COL9A1: variants seen among roughly 807,000 people sequenced by gnomAD.
COL9A1 encodes collagen alpha-1(IX) chain.
COL9A1 carries 104 observed loss-of-function variants against 142.6 expected under a neutral mutation model. The observed-to-expected ratio is 0.73, with a 90% CI of 0.62 to 0.86. The LOEUF (loss-of-function observed/expected upper bound fraction) is 0.86, where lower values mean the gene tolerates loss of function less well. Ranked by LOEUF, COL9A1 falls within the 40% of genes least tolerant of loss-of-function variation. The probability of loss-of-function intolerance (pLI) is 0.00; values close to 1 mark genes in which losing one functional copy is unlikely to be tolerated. For missense variants in COL9A1, 1,210 were observed against 1,176.6 expected (o/e 1.03, Z -0.42); for synonymous variants, 466 against 396.0 (o/e 1.18, Z -2.10).
In COL9A1 at chr6:70,252,297, C is replaced by T; in HGVS notation, c.1783G>A (p.Gly595Arg). 6.2e-7 allele frequency: 1 copy of T among 1,614,158 alleles called. No individual in the cohort carries two copies. The highest frequency in any genetic ancestry group is 8.5e-7 in the Non-Finnish European group (1 of 1,179,990). Reference protein sequence around the residue: ...AGEKGSTGAPGKPGQMGNSGK... With the variant: ...AGEKGSTGAPRKPGQMGNSGK... ...GAATTTCCCATCTGACCAGGCTTCC[C>T]TGGAGCACCTGTGCTACCCTAAGGG... The change falls in exon 27 of 38, where the codon GGG becomes AGG. Residue 595 changes from glycine to arginine, a missense_variant. Transcript: ENST00000357250.
At chr6:70,243,558 TTCTC>T (rs1050708664) in intron 28 of COL9A1, among the ~76,000 whole-genome samples, 2 of 152,096 alleles carry the variant, frequency 1.3e-5, no homozygotes, top group African/African-American at 4.8e-5. Context: ...GACGGAGTCT[TTCTC>T]TGTTGCCCAG....
intron 37 of COL9A1, among the ~76,000 whole-genome samples, chr6:70,221,231 C>T (rs1768864416): frequency 6.6e-6 from 1 of 151,454 alleles, no homozygotes; most frequent in Non-Finnish European, 1.5e-5. Context: ...CATGCTGTGG[C>T]GTAAAAGGGA....
intron 5 of COL9A1, among the ~76,000 whole-genome samples, chr6:70,284,770 T>C (rs552377108): frequency 2.6e-4 from 40 of 152,360 alleles, no homozygotes; most frequent in African/African-American, 9.4e-4. Flanking sequence ...TCTTTGTCAT[T>C]GATGTTATGC....
intron 24 of COL9A1, 84 bp downstream of exon 24, chr6:70,254,879 G>A: frequency 7.9e-7 from 1 of 1,269,284 alleles, no homozygotes; most frequent in Non-Finnish European, 1.1e-6. Flanking sequence ...AAATCTTTTG[G>A]TGATTTAGTA....
intron 28 of COL9A1, among the ~76,000 whole-genome samples, chr6:70,247,320 G>A (rs1562300436): frequency 3.3e-5 from 5 of 152,114 alleles, no homozygotes; most frequent in Non-Finnish European, 7.4e-5. Flanking sequence ...TTTTAAAATG[G>A]AACTGTTAGA....
intron 19 of COL9A1, 121 bp from the exon 20 acceptor site, chr6:70,260,831 A>C: frequency 1.2e-6 from 1 of 835,488 alleles, no homozygotes; most frequent in East Asian, 2.8e-5. Flanking sequence ...ACCAAGAAAT[A>C]GTAACTATAT....
chr6:70,219,377 T>G (rs924422020), intron 37 of COL9A1, among the ~76,000 whole-genome samples: 9 of 152,342 alleles, frequency 5.9e-5, no homozygotes, highest in African/African-American at 2.2e-4. Context: ...TGTAGTTTTA[T>G]TAGAACACGA....
At chr6:70,234,407 T>G in intron 35 of COL9A1, 132 bp downstream of exon 35, 1 of 882,590 alleles carries the variant, frequency 1.1e-6, no homozygotes, top group Non-Finnish European at 1.9e-6. Flanking sequence ...TTGGCATTAA[T>G]ATTACCCTAA....
chr6:70,232,445 A>T, intron 36 of COL9A1, 138 bp downstream of exon 36: 1 of 1,000,082 alleles, frequency 1.0e-6, no homozygotes, highest in Non-Finnish European at 1.6e-6. Flanking sequence ...CTTCACCGTC[A>T]CTATTGAAAA....
intron 37 of COL9A1, chr6:70,222,637 C>T (rs564564043): frequency 6.6e-6 from 1 of 152,132 alleles, no homozygotes; most frequent in South Asian, 2.1e-4. Flanking sequence ...TAAAACTGTC[C>T]AGAAAGAATA....
At chr6:70,254,728 C>G (rs1396650448) in intron 24 of COL9A1, 199 bp from the exon 25 acceptor site, 2 of 675,474 alleles carry the variant, frequency 3.0e-6, no homozygotes, top group Non-Finnish European at 5.1e-6. Context: ...TGCACAGTCT[C>G]TCTCAACTTA....
Position 70,266,722 on chromosome 6 carries a change from G to A in COL9A1, c.1336C>T (p.His446Tyr), listed in dbSNP as rs1772041652. 6.2e-7 allele frequency: 1 copy of A among 1,612,496 alleles called. No individual in the cohort carries two copies. The highest frequency in any genetic ancestry group is 1.3e-5 in the African/African-American group (1 of 74,836). ...TAAATACCCATTTTCCTTACCTTGTGTCCTTGTCTTCCTGGTTCACCAATT... is the reference window on the plus strand; with the variant it reads ...TAAATACCCATTTTCCTTACCTTGTATCCTTGTCTTCCTGGTTCACCAATT... ...GEIGEPGRQG[H>Y]KGEEGDQGEL... Residue 446 changes from histidine (H) to tyrosine (Y), a missense_variant, in exon 18 of 38, where the codon CAC becomes TAC. Physicochemically the swap from His to Tyr is moderately conservative, Grantham distance 83 (BLOSUM62 2). Transcript: ENST00000357250.
intron 33 of COL9A1, among the ~76,000 whole-genome samples, chr6:70,238,995 C>T (rs978884734): frequency 2.0e-5 from 3 of 152,138 alleles, no homozygotes; most frequent in African/African-American, 4.8e-5. Context: ...AAAAATTAGC[C>T]GGGCATGGTG....
At chr6:70,226,061 T>G in intron 36 of COL9A1, 52 bp from the exon 37 acceptor site, 1 of 1,462,624 alleles carries the variant, frequency 6.8e-7, no homozygotes, top group Non-Finnish European at 9.5e-7. Flanking sequence ...AAAAATAAAC[T>G]TCCGCATCTT....
chr6:70,280,285 C>A, intron 10 of COL9A1: 1 of 1,240,024 alleles, frequency 8.1e-7, no homozygotes, highest in Non-Finnish European at 1.0e-6. Context: ...CCCGCACATC[C>A]CCACTCACTT....
intron 20 of COL9A1, among the ~76,000 whole-genome samples, chr6:70,259,536 T>C (rs1771538781): frequency 6.6e-6 from 1 of 152,156 alleles, no homozygotes; most frequent in Admixed American, 6.5e-5. Context: ...GCTGTGATGA[T>C]AATCACTCAG....
At chr6:70,215,930 CACACACACAT>C (rs1300183325), downstream of COL9A1, 1 of 151,930 alleles carries the variant, frequency 6.6e-6, no homozygotes, top group African/African-American at 2.4e-5. Flanking sequence ...CACACACACA[CACACACACAT>C]ACGCATCTGT....
At chr6:70,302,113 C>A (rs377569543) in intron 1 of COL9A1, 39 bp from the exon 2 acceptor site, 1 of 1,414,608 alleles carries the variant, frequency 7.1e-7, no homozygotes, top group Non-Finnish European at 9.9e-7. Flanking sequence ...AACAGGAGTC[C>A]CCGCAGATGG....
chr6:70,238,355 A>G (rs1770039994), intron 33 of COL9A1, among the ~76,000 whole-genome samples: 1 of 152,252 alleles, frequency 6.6e-6, no homozygotes, highest in Admixed American at 6.5e-5. Flanking sequence ...CCAATTAGCA[A>G]GTCATCTCAG....
Sources: allele counts gnomAD v4.1 joint callset (sites outside exome capture counted in the v4.1 genomes callset), GRCh38; gene constraint gnomAD v4.1.1; transcripts MANE v1.5; gene names NCBI Gene and HGNC (gene_info 2026-07-23, HGNC 2026-07-21).